MCTP1: variants seen among roughly 807,000 people sequenced by gnomAD.
MCTP1 encodes multiple C2 and transmembrane domain-containing protein 1.
MCTP1 carries 69 observed loss-of-function variants against 120.6 expected under a neutral mutation model. The ratio of observed to expected loss-of-function variants is 0.57; its 90% CI spans 0.47 to 0.70. MCTP1 has a LOEUF of 0.70. Among genes scored for constraint, MCTP1 ranks in the 30% least tolerant of loss-of-function variants. The probability of loss-of-function intolerance (pLI) is 0.00; values close to 1 mark genes in which losing one functional copy is unlikely to be tolerated. For synonymous variants in MCTP1, 529 were observed against 493.1 expected, an observed-to-expected ratio of 1.07 and a Z score of -0.96; for missense variants, 1,203 against 1,248.8, an observed-to-expected ratio of 0.96 and a Z score of 0.55.
chr5:94,918,455 G>T (rs1650247556), intron 7 of MCTP1, among the ~76,000 whole-genome samples: 1 of 152,166 alleles, frequency 6.6e-6, no homozygotes. Flanking sequence ...AATGATTAAA[G>T]AAGTATCTCT....
intron 11 of MCTP1, among the ~76,000 whole-genome samples, chr5:94,889,990 C>A (rs1008539629): frequency 6.6e-6 from 1 of 152,026 alleles, no homozygotes; most frequent in Admixed American, 6.5e-5. Flanking sequence ...AGATTAGTGG[C>A]TTTTTTAAAA....
intron 1 of MCTP1, among the ~76,000 whole-genome samples, chr5:95,101,306 A>G (rs1280087639): frequency 6.6e-6 from 1 of 152,242 alleles, no homozygotes; most frequent in Non-Finnish European, 1.5e-5. Context: ...TACATCCTGA[A>G]ACAAAACCAT....
rs750822650 is a variant in MCTP1 at position 94,705,810 on chromosome 5, T to C, written c.*1686A>G. On this transcript the variant is annotated 3_prime_UTR_variant, in exon 23 of 23. Transcript: ENST00000515393. ...CAATAAACTTTCTGTAGTAACATCA[T>C]GTTCATGGAACATTATGTTTTTAGC... The C allele has an allele frequency of 4.6e-5, 7 of 151,678 alleles. No homozygotes were observed. Among genetic ancestry groups the C allele is most frequent in the Non-Finnish European group, 8.9e-5 (6 of 67,730 alleles). 9.4% of individuals were successfully genotyped at this position (151,678 alleles called of 1,614,324 possible).
intron 2 of MCTP1, among the ~76,000 whole-genome samples, chr5:94,987,670 A>C (rs975906412): frequency 6.6e-6 from 1 of 152,216 alleles, no homozygotes; most frequent in African/African-American, 2.4e-5. Context: ...GGCTTCCTCA[A>C]GATAGTCACC....
intron 2 of MCTP1, among the ~76,000 whole-genome samples, chr5:94,985,608 A>G (rs1264890809): frequency 6.6e-6 from 1 of 152,238 alleles, no homozygotes; most frequent in African/African-American, 2.4e-5. Context: ...ATTTGTGATT[A>G]TGACAAAGTT....
At chr5:95,267,342 A>C (rs966446465) in intron 1 of MCTP1, among the ~76,000 whole-genome samples, 1 of 152,184 alleles carries the variant, frequency 6.6e-6, no homozygotes, top group African/African-American at 2.4e-5. Flanking sequence ...CATCTGGATC[A>C]CTGAGCTTTA....
chr5:95,166,158 GT>G (rs1746321454), intron 1 of MCTP1: 2 of 152,214 alleles, frequency 1.3e-5, no homozygotes, highest in Non-Finnish European at 2.9e-5. Context: ...GAGCTCCAGT[GT>G]TGTATAGGTG....
intron 17 of MCTP1, among the ~76,000 whole-genome samples, chr5:94,836,529 A>G (rs1789827582): frequency 6.6e-6 from 1 of 152,170 alleles, no homozygotes; most frequent in African/African-American, 2.4e-5. Context: ...GGCTGAAATC[A>G]ACTTAGATTC....
At chr5:95,088,642 T>G (rs1755619127) in intron 1 of MCTP1, among the ~76,000 whole-genome samples, 1 of 152,266 alleles carries the variant, frequency 6.6e-6, no homozygotes, top group Admixed American at 6.5e-5. Context: ...CACTACGACT[T>G]GTTTTGTGTA....
At chr5:95,192,420 A>C (rs958762786) in intron 1 of MCTP1, among the ~76,000 whole-genome samples, 1 of 151,974 alleles carries the variant, frequency 6.6e-6, no homozygotes, top group Non-Finnish European at 1.5e-5. Context: ...TTATATAACT[A>C]TATTAGTCTC....
intron 1 of MCTP1, among the ~76,000 whole-genome samples, chr5:95,228,902 G>GATGCCAGCCTC (rs1754606727): frequency 6.6e-6 from 1 of 152,178 alleles, no homozygotes; most frequent in Admixed American, 6.5e-5. Context: ...AAGCCGAGCA[G>GATGCCAGCCTC]ATGCCAGCCT....
chr5:94,991,935 A>G (rs1831642003), intron 2 of MCTP1, among the ~76,000 whole-genome samples: 1 of 152,210 alleles, frequency 6.6e-6, no homozygotes, highest in Non-Finnish European at 1.5e-5. Context: ...TGTATGGGAA[A>G]TATCCTCAAC....
At chr5:94,954,806 T>C (rs1451053193) in intron 2 of MCTP1, among the ~76,000 whole-genome samples, 1 of 152,166 alleles carries the variant, frequency 6.6e-6, no homozygotes, top group East Asian at 1.9e-4. Flanking sequence ...TTTTTCTTGC[T>C]CAGAAGTTTC....
intron 19 of MCTP1, among the ~76,000 whole-genome samples, chr5:94,745,732 A>G (rs1766734789): frequency 6.6e-6 from 1 of 152,224 alleles, no homozygotes; most frequent in African/African-American, 2.4e-5. Flanking sequence ...GAAGAAAAAC[A>G]TATTTACAGA....
At chr5:94,777,927 C>CGTGTGCGTGTGTGTGTGT (rs1554095232) in intron 19 of MCTP1, among the ~76,000 whole-genome samples, 3 of 148,850 alleles carry the variant, frequency 2.0e-5, no homozygotes, top group African/African-American at 7.5e-5. Context: ...AGAAAGTGTG[C>CGTGTGCGTGTGTGTGTGT]GTGTGTGTGT....
intron 17 of MCTP1, among the ~76,000 whole-genome samples, chr5:94,863,268 T>C (rs1444948854): frequency 6.6e-6 from 1 of 151,844 alleles, no homozygotes; most frequent in Non-Finnish European, 1.5e-5. Flanking sequence ...GTACTTCTCT[T>C]TTGCTGTTGT....
intron 1 of MCTP1, among the ~76,000 whole-genome samples, chr5:95,273,038 C>T (rs1166038726): frequency 6.6e-6 from 1 of 152,224 alleles, no homozygotes; most frequent in Admixed American, 6.5e-5. Context: ...CTGCTCTCAG[C>T]TAGAGACAGC....
At chr5:95,030,428 G>C (rs1304593972) in intron 1 of MCTP1, among the ~76,000 whole-genome samples, 2 of 152,180 alleles carry the variant, frequency 1.3e-5, no homozygotes, top group Non-Finnish European at 2.9e-5. Flanking sequence ...CTTAGTGCTA[G>C]TCCATGAGAT....
At chr5:94,864,159 C>T (rs776236869) in intron 17 of MCTP1, among the ~76,000 whole-genome samples, 3 of 151,850 alleles carry the variant, frequency 2.0e-5, no homozygotes, top group Non-Finnish European at 4.4e-5. Context: ...CAGTAGGAAA[C>T]CTGCCTCGTA....
Sources: gnomAD v4.1 joint callset for allele counts (sites outside exome capture counted in the v4.1 genomes callset) on GRCh38, gnomAD v4.1.1 for gene constraint, MANE v1.5 for transcripts, NCBI Gene and HGNC (gene_info 2026-07-23, HGNC 2026-07-21) for gene names.